The following LRP1B variants were observed in gnomAD, a reference collection of about 807,000 sequenced individuals.
LRP1B encodes low-density lipoprotein receptor-related protein 1B.
Under a neutral mutation model 556.6 loss-of-function variants are expected in LRP1B, and 217 were observed. That is an observed-to-expected ratio of 0.39 (90% CI 0.35 to 0.44). The LOEUF (loss-of-function observed/expected upper bound fraction) is 0.44, where lower values mean the gene tolerates loss of function less well. LRP1B is among the 20% of genes least tolerant of loss of function. LRP1B has a pLI of 1.00. For synonymous variants in LRP1B, 2,047 were observed against 1,865.8 expected (o/e 1.10, Z -2.50); for missense variants, 5,053 against 5,620.8 (o/e 0.90, Z 3.23).
intron 2 of LRP1B, among the ~76,000 whole-genome samples, chr2:141,741,283 TTTTTTTTTTTAGTA>T (rs1328410548): frequency 1.0e-4 from 15 of 144,110 alleles, no homozygotes; most frequent in Non-Finnish European, 2.0e-4. Context: ...TTTTTTTTTT[TTTTTTTTTTTAGTA>T]TATATCTAGG....
At chr2:141,060,283 A>T (rs1382160399) in intron 8 of LRP1B, among the ~76,000 whole-genome samples, 1 of 151,756 alleles carries the variant, frequency 6.6e-6, no homozygotes, top group African/African-American at 2.4e-5. Context: ...GACATAAAAT[A>T]TAAGAATGAC....
intron 1 of LRP1B, among the ~76,000 whole-genome samples, chr2:141,878,059 C>T (rs1302397877): frequency 6.6e-6 from 1 of 151,432 alleles, no homozygotes; most frequent in Non-Finnish European, 1.5e-5. Flanking sequence ...GTAAACAACT[C>T]AGTTTTGGAA....
intron 20 of LRP1B, among the ~76,000 whole-genome samples, chr2:140,923,978 T>C (rs1181294619): frequency 1.3e-5 from 2 of 152,118 alleles, no homozygotes; most frequent in South Asian, 2.1e-4. Context: ...TAATGAGATA[T>C]ATTAATCTGT....
At chr2:141,972,798 G>A (rs1270026166) in intron 1 of LRP1B, among the ~76,000 whole-genome samples, 1 of 151,566 alleles carries the variant, frequency 6.6e-6, no homozygotes, top group East Asian at 1.9e-4. Flanking sequence ...ATAAAATTTA[G>A]TTCTCAAATC....
intron 7 of LRP1B, among the ~76,000 whole-genome samples, chr2:141,121,379 C>T (rs939519634): frequency 1.3e-5 from 2 of 152,006 alleles, no homozygotes; most frequent in Admixed American, 6.6e-5. Flanking sequence ...GGTTAGGGCA[C>T]AGACATAGAA....
rs1207289500 is a variant in LRP1B, at chr2:140,457,508, C to T, written c.9769G>A (p.Ala3257Thr). 1.2e-6 allele frequency: 2 copies of T among 1,613,772 alleles called. No homozygotes were observed. The highest frequency in any genetic ancestry group is 1.7e-6 in the Non-Finnish European group (2 of 1,179,740). ...DRLSLIYSWH[A>T]ITDIQVYHSY... ...TGATACACCTGGATATCTGTGATGG[C>T]ATGCCATGAGTAAATCAGTGAGAGT... The change falls in exon 61 of 91, where the codon GCC (alanine) becomes ACC (threonine). Residue 3257 changes from alanine (A) to threonine (T), a missense_variant. By Grantham distance (58) the Ala-to-Thr change is moderately conservative. This residue lies in a region of LRP1B where 262 missense variants were observed against 395.1 expected (regional missense o/e 0.66). Transcript: ENST00000389484.
intron 1 of LRP1B, among the ~76,000 whole-genome samples, chr2:142,039,535 ATAAGGCAG>A (rs1312890460): frequency 6.6e-6 from 1 of 151,562 alleles, no homozygotes; most frequent in Admixed American, 6.6e-5. Flanking sequence ...TTAAATTAAA[ATAAGGCAG>A]TAAATACAGC....
At chr2:141,012,659 G>A (rs537265421) in intron 14 of LRP1B, among the ~76,000 whole-genome samples, 16 of 151,912 alleles carry the variant, frequency 1.1e-4, no homozygotes, top group African/African-American at 3.9e-4. Context: ...TTCCATTGAA[G>A]CAATTTTAAT....
At chr2:140,682,822 G>A (rs1685910275) in intron 41 of LRP1B, among the ~76,000 whole-genome samples, 1 of 151,934 alleles carries the variant, frequency 6.6e-6, no homozygotes, top group Non-Finnish European at 1.5e-5. Context: ...AGACAGAATG[G>A]CCCAACCAAT....
At chr2:141,989,842 C>A (rs756774205) in intron 1 of LRP1B, among the ~76,000 whole-genome samples, 1 of 152,170 alleles carries the variant, frequency 6.6e-6, no homozygotes, top group African/African-American at 2.4e-5. Flanking sequence ...GTCAATTAAA[C>A]CTATTTTCTT....
chr2:140,324,986 T>TA (rs1266463879), intron 80 of LRP1B, among the ~76,000 whole-genome samples: 3 of 151,612 alleles, frequency 2.0e-5, no homozygotes, highest in South Asian at 2.1e-4. Flanking sequence ...CCTGTGTTAT[T>TA]AAAAAAAGGG....
intron 1 of LRP1B, among the ~76,000 whole-genome samples, chr2:142,051,667 G>A (rs1247268215): frequency 6.6e-6 from 1 of 151,804 alleles, no homozygotes; most frequent in South Asian, 2.1e-4. Flanking sequence ...AGTAGAGAGG[G>A]GGTTTCACCA....
intron 2 of LRP1B, among the ~76,000 whole-genome samples, chr2:141,530,172 T>G (rs1684822162): frequency 6.6e-6 from 1 of 152,120 alleles, no homozygotes; most frequent in South Asian, 2.1e-4. Flanking sequence ...AAAGCACTAT[T>G]TTATAAGTAA....
intron 60 of LRP1B, among the ~76,000 whole-genome samples, chr2:140,470,644 C>CAAAAA (rs35981828): frequency 1.5e-4 from 9 of 58,538 alleles, no homozygotes; most frequent in African/African-American, 1.7e-4. Context: ...GACTCTGTCT[C>CAAAAA]AAAAAAAAAA....
chr2:141,869,487 C>T (rs1685763162), intron 1 of LRP1B, among the ~76,000 whole-genome samples: 1 of 151,950 alleles, frequency 6.6e-6, no homozygotes, highest in Admixed American at 6.6e-5. Context: ...TGTTTTTTAA[C>T]AAGATTTTCA....
intron 3 of LRP1B, among the ~76,000 whole-genome samples, chr2:141,437,689 G>A (rs370881754): frequency 4.6e-5 from 7 of 151,826 alleles, no homozygotes; most frequent in African/African-American, 7.3e-5. Flanking sequence ...ATTGAGAATC[G>A]TCATGAGAGA....
intron 1 of LRP1B, among the ~76,000 whole-genome samples, chr2:142,075,481 A>C (rs1477726897): frequency 1.3e-5 from 2 of 152,108 alleles, no homozygotes; most frequent in Non-Finnish European, 2.9e-5. Context: ...GTGATACCTG[A>C]TGTGGCTCAA....
chr2:141,078,415 A>G (rs1376089253), intron 7 of LRP1B, among the ~76,000 whole-genome samples: 1 of 152,154 alleles, frequency 6.6e-6, no homozygotes, highest in Non-Finnish European at 1.5e-5. Flanking sequence ...TCTCCTAGCT[A>G]ATTAGACCAG....
rs567512017 is a variant in LRP1B, at chr2:140,666,056, T to G, written c.6799+34194A>C. 3.6e-4 allele frequency among the ~76,000 whole-genome samples: 55 copies of G among 151,566 alleles called. No individual in the cohort carries two copies. In the South Asian group the frequency reaches 7.7e-3, roughly 21 times the overall value. ...TTGCCCAAGCTAGAGTGCAGTGGCATGATCTCAGCTCACTGCAACCTCTGC... is the reference window on the plus strand; with the variant it reads ...TTGCCCAAGCTAGAGTGCAGTGGCAGGATCTCAGCTCACTGCAACCTCTGC... On this transcript the variant is annotated intron_variant, in intron 41 of 90. Coordinates refer to ENST00000389484, the MANE Select transcript of LRP1B (RefSeq NM_018557.3).
Sources: gnomAD v4.1 joint callset for allele counts (sites outside exome capture counted in the v4.1 genomes callset) on GRCh38, gnomAD v4.1.1 for gene constraint, gnomAD v4.1.1 regional missense constraint, MANE v1.5 for transcripts, NCBI Gene and HGNC (gene_info 2026-07-23, HGNC 2026-07-21) for gene names.